PLEKHS1: variants seen among roughly 807,000 people sequenced by gnomAD.
PLEKHS1 encodes the protein pleckstrin homology domain-containing family S member 1.
A neutral mutation model predicts 51.0 loss-of-function variants in PLEKHS1; 55 were observed. That is an observed-to-expected ratio of 1.08 (90% CI 0.87 to 1.35). The LOEUF (loss-of-function observed/expected upper bound fraction) is 1.35. Ranked by LOEUF, PLEKHS1 falls within the 40% of genes most tolerant of loss-of-function variation. The pLI is 0.00. For synonymous variants in PLEKHS1, 153 were observed against 144.8 expected (o/e 1.06, Z -0.41); for missense variants, 398 against 423.0 (o/e 0.94, Z 0.52).
chr10:113,772,147 T>C, intron 8 of PLEKHS1, 58 bp downstream of exon 8: 1 of 1,585,670 alleles, frequency 6.3e-7, no homozygotes, highest in Non-Finnish European at 8.6e-7. Flanking sequence ...ACTGAAACCC[T>C]GCCATGCACT....
intron 8 of PLEKHS1, among the ~76,000 whole-genome samples, chr10:113,772,862 G>A (rs1315661083): frequency 2.6e-5 from 4 of 152,208 alleles, no homozygotes; most frequent in Admixed American, 1.3e-4. Flanking sequence ...TGAATGCCAA[G>A]TTGACTTCAT....
At chr10:113,776,614 A>G (rs1057226164) in intron 11 of PLEKHS1, among the ~76,000 whole-genome samples, 5 of 152,162 alleles carry the variant, frequency 3.3e-5, no homozygotes, top group Admixed American at 3.3e-4. Flanking sequence ...TAATTCATTT[A>G]TTTGTTCATT....
chr10:113,765,455 T>C (rs1844119258), intron 2 of PLEKHS1: 2 of 775,010 alleles, frequency 2.6e-6, no homozygotes, highest in South Asian at 2.7e-5. Flanking sequence ...CTCAGGTAGT[T>C]TCAGCACACA....
intron 11 of PLEKHS1, chr10:113,778,184 C>T (rs1844754741): frequency 1.3e-5 from 2 of 157,794 alleles, no homozygotes; most frequent in African/African-American, 4.8e-5. Context: ...TCAGCTTATT[C>T]TCACTAAAGT....
intron 5 of PLEKHS1, among the ~76,000 whole-genome samples, chr10:113,768,607 C>A (rs1445517615): frequency 6.6e-6 from 1 of 152,218 alleles, no homozygotes; most frequent in East Asian, 1.9e-4. Context: ...TCTTCCCTTT[C>A]TCTGAGCTTT....
intron 2 of PLEKHS1, among the ~76,000 whole-genome samples, chr10:113,760,241 A>G (rs1319348784): frequency 6.6e-6 from 1 of 152,214 alleles, no homozygotes; most frequent in Non-Finnish European, 1.5e-5. Flanking sequence ...ATGTATCACA[A>G]TGTGTTAATC....
intron 8 of PLEKHS1, among the ~76,000 whole-genome samples, chr10:113,773,699 C>A (rs1193359772): frequency 6.6e-6 from 1 of 152,096 alleles, no homozygotes; most frequent in East Asian, 1.9e-4. Context: ...CTTAGGTAGG[C>A]CTTAGGGTTT....
chr10:113,766,768 A>T, intron 4 of PLEKHS1, 50 bp downstream of exon 4: 1 of 1,342,448 alleles, frequency 7.4e-7, no homozygotes, highest in Non-Finnish European at 1.0e-6. Flanking sequence ...CTATAAAGTC[A>T]AACAGTAACA....
intron 1 of PLEKHS1, among the ~76,000 whole-genome samples, chr10:113,754,845 T>C (rs1199542443): frequency 6.6e-6 from 1 of 152,226 alleles, no homozygotes; most frequent in African/African-American, 2.4e-5. Context: ...AAGGCTTATC[T>C]TGGGCTTCCT....
At chr10:113,759,435 T>C (rs1279376942) in intron 2 of PLEKHS1, among the ~76,000 whole-genome samples, 1 of 152,210 alleles carries the variant, frequency 6.6e-6, no homozygotes, top group African/African-American at 2.4e-5. Context: ...TTTGTAATCC[T>C]TTTCTGCACA....
chr10:113,775,927 A>G (rs1050697455), intron 11 of PLEKHS1, 61 bp downstream of exon 11: 1 of 1,276,844 alleles, frequency 7.8e-7, no homozygotes, highest in African/African-American at 1.5e-5. Flanking sequence ...GAAGAGAACA[A>G]TTACATCTTG....
intron 7 of PLEKHS1, among the ~76,000 whole-genome samples, chr10:113,771,674 CAA>C (rs11383972): frequency 1.3e-4 from 10 of 74,572 alleles, no homozygotes; most frequent in Non-Finnish European, 7.7e-5. Context: ...GACTCTGTCT[CAA>C]AAAAAAAAAA....
chr10:113,755,378 C>T, intron 2 of PLEKHS1, 73 bp downstream of exon 2: 1 of 1,559,846 alleles, frequency 6.4e-7, no homozygotes, highest in Non-Finnish European at 8.7e-7. Flanking sequence ...TTCAAGCTAA[C>T]CAGGATACAG....
At chr10:113,781,696 T>G (rs1392821920) in exon 12 of PLEKHS1, 1 of 64,078 alleles carries the variant, frequency 1.6e-5, no homozygotes, top group Non-Finnish European at 3.1e-5. Context: ...TCCCAACACC[T>G]CCTTCCCAAA....
exon 12 of PLEKHS1, chr10:113,781,771 C>CCTTCCCAACACCTG (rs1844878973): frequency 2.2e-5 from 2 of 88,982 alleles, no homozygotes; most frequent in African/African-American, 7.5e-5. Context: ...CCCAACACCT[C>CCTTCCCAACACCTG]CTTCCCCCTT....
chr10:113,762,487 AT>A (rs1843987062), intron 2 of PLEKHS1, among the ~76,000 whole-genome samples: 1 of 148,906 alleles, frequency 6.7e-6, no homozygotes, highest in African/African-American at 2.5e-5. Flanking sequence ...CCATTAAAAA[AT>A]TTTTCCCTAA....
chr10:113,768,642 A>G (rs140297779), intron 5 of PLEKHS1, among the ~76,000 whole-genome samples, 173 bp from the exon 6 acceptor site: 7 of 152,324 alleles, frequency 4.6e-5, no homozygotes, highest in African/African-American at 1.7e-4. Flanking sequence ...CTGAGCATTA[A>G]TTCTAGTGTG....
intron 2 of PLEKHS1, 46 bp from the exon 3 acceptor site, chr10:113,766,365 T>C (rs761109019): frequency 8.2e-7 from 1 of 1,222,312 alleles, no homozygotes; most frequent in Non-Finnish European, 1.2e-6. Flanking sequence ...GCAGTTCTTT[T>C]CAGAAATTTA....
chr10:113,755,410 G>GTTGTT (rs933732667), intron 2 of PLEKHS1, 105 bp downstream of exon 2: 122 of 1,489,188 alleles, frequency 8.2e-5, no homozygotes, highest in African/African-American at 1.1e-4. Flanking sequence ...TTTTGTGTAT[G>GTTGTT]TTGTTTTGTT....
Sources: gnomAD v4.1 joint callset for allele counts (sites outside exome capture counted in the v4.1 genomes callset) on GRCh38, gnomAD v4.1.1 for gene constraint, MANE v1.5 for transcripts, NCBI Gene and HGNC (gene_info 2026-07-23, HGNC 2026-07-21) for gene names.